Variants in RAD54B observed in about 807,000 individuals in gnomAD.
RAD54B encodes DNA repair and recombination protein RAD54B.
RAD54B carries 78 observed loss-of-function variants against 95.8 expected under a neutral mutation model. The observed-to-expected ratio is 0.81, with a 90% CI of 0.68 to 0.98. RAD54B has a LOEUF of 0.98. RAD54B is among the 50% of genes least tolerant of loss of function. The pLI is 0.00. For synonymous variants in RAD54B, 328 were observed against 354.9 expected (o/e 0.92, Z 0.85); for missense variants, 957 against 1,056.6 (o/e 0.91, Z 1.31).
chr8:94,441,755 T>G (rs957030858), intron 3 of RAD54B, among the ~76,000 whole-genome samples: 1 of 152,180 alleles, frequency 6.6e-6, no homozygotes, highest in African/African-American at 2.4e-5. Flanking sequence ...CCTTGGTCTT[T>G]CACGTAACCA....
chr8:94,468,548 G>A (rs768916023), intron 1 of RAD54B, among the ~76,000 whole-genome samples: 76 of 151,440 alleles, frequency 5.0e-4, no homozygotes, highest in South Asian at 1.5e-3. Context: ...AAAAAAGGCC[G>A]AGCACGGTGG....
chr8:94,423,242 G>A (rs1389499935), intron 3 of RAD54B, among the ~76,000 whole-genome samples: 1 of 152,048 alleles, frequency 6.6e-6, no homozygotes, highest in Non-Finnish European at 1.5e-5. Context: ...AATTAGCTGG[G>A]CATGGTGACA....
rs143995521 is a variant in RAD54B at position 94,429,843 on chromosome 8, C to T, written c.305-18528G>A. 721 of 985,244 alleles carry T rather than the reference C, an allele frequency of 7.3e-4. 3 individuals carry two copies. The African/African-American group carries it at 0.012, about 16-fold the overall frequency. The allele number at this position is 985,244 out of a possible 1,614,324, so 61.0% of individuals were successfully genotyped here. On this transcript the variant is annotated intron_variant, in intron 3 of 14. Transcript: ENST00000336148. ...AAGTAGTCAACATGCTAAAATAGTA[C>T]CTTGAGTTCATTTTTTTCTATTTCT...
In RAD54B at chr8:94,378,312, G is replaced by A; in HGVS notation, c.2383C>T (p.Leu795Phe). The change falls in exon 14 of 15, where the codon CTC (leucine) becomes TTC (phenylalanine). Residue 795 changes from leucine to phenylalanine, a missense_variant. Coordinates refer to ENST00000336148, the MANE Select transcript of RAD54B (RefSeq NM_012415.3). ...KQGLCGAVVDLTKTSEHIQFS... is the reference protein window; with the variant it reads ...KQGLCGAVVDFTKTSEHIQFS... ...TGAATATGTTCAGATGTCTTGGTGA[G>A]GTCGACAACTGCCCCACAAAGACCT... The A allele has an allele frequency of 6.2e-7, 1 of 1,613,838 alleles. No individual in the cohort carries two copies. The highest frequency in any genetic ancestry group is 2.2e-5 in the East Asian group (1 of 44,832).
intron 11 of RAD54B, among the ~76,000 whole-genome samples, chr8:94,381,148 G>T (rs1217319719): frequency 6.6e-6 from 1 of 152,016 alleles, no homozygotes; most frequent in Non-Finnish European, 1.5e-5. Context: ...ATGTGTTAAT[G>T]AAAGTCTAGA....
chr8:94,451,303 A>G (rs540557697), intron 3 of RAD54B, among the ~76,000 whole-genome samples: 22 of 152,228 alleles, frequency 1.4e-4, no homozygotes, highest in Non-Finnish European at 2.8e-4. Flanking sequence ...ATCTGAGACA[A>G]TCTGAGCATC....
intron 11 of RAD54B, among the ~76,000 whole-genome samples, chr8:94,386,243 C>G (rs1184826297): frequency 7.9e-6 from 1 of 126,994 alleles, no homozygotes; most frequent in Non-Finnish European, 1.7e-5. Context: ...GTGACTGACA[C>G]TGTGGGATAA....
chr8:94,426,782 T>C (rs1811952814), intron 3 of RAD54B, among the ~76,000 whole-genome samples: 2 of 152,074 alleles, frequency 1.3e-5, no homozygotes, highest in Non-Finnish European at 2.9e-5. Flanking sequence ...AGCTACACAG[T>C]TGTAGATCAA....
intron 6 of RAD54B, among the ~76,000 whole-genome samples, chr8:94,403,437 G>T (rs1811307910): frequency 1.3e-5 from 2 of 152,192 alleles, no homozygotes; most frequent in Admixed American, 6.5e-5. Flanking sequence ...AGCACTTTGG[G>T]AGGCTGAGGT....
In RAD54B at chr8:94,467,307, C is replaced by A. The variant is rs78768966; in HGVS notation, c.135+98G>T. On this transcript the variant is annotated intron_variant, in intron 2 of 14. Transcript: ENST00000336148. ...GATGTTTTCAGAGATACTGAAAATTCCTACAGGCAGAAAATACTGTTAACT... is the reference window on the plus strand; with the variant it reads ...GATGTTTTCAGAGATACTGAAAATTACTACAGGCAGAAAATACTGTTAACT... 1.9e-3 allele frequency: 2,040 copies of A among 1,085,564 alleles called. 31 individuals are homozygous for A. In the African/African-American group the frequency reaches 0.029, roughly 15 times the overall value. The allele number at this position is 1,085,564 out of a possible 1,614,324, so 67.2% of individuals were successfully genotyped here. A position where few individuals can be genotyped will look rare whatever the true frequency, so the allele number is the denominator to read the frequency against.
In RAD54B at chr8:94,458,842, G is replaced by A. The variant is rs1237906902; in HGVS notation, c.136-406C>T. On this transcript the variant is annotated intron_variant, in intron 2 of 14. Coordinates refer to ENST00000336148, the MANE Select transcript of RAD54B (RefSeq NM_012415.3). ...AGATTGTACCACTGCATTCCAGCCT[G>A]GGCAACAGAGTGAGACTCCATCTAA... Among the ~76,000 whole-genome samples the A allele has an allele frequency of 5.1e-4, 78 of 151,794 alleles. 1 individual carries two copies. The highest frequency in any genetic ancestry group is 1.0e-4 in the Non-Finnish European group (7 of 67,978).
Position 94,431,780 on chromosome 8 carries a change from T to C in RAD54B, c.305-20465A>G, listed in dbSNP as rs934652309. ...AGACTGACTTAAAAATCTCTAATTA[T>C]AGCTTTCAAAGTTCTAACTAAAAAT... On this transcript the variant is annotated intron_variant, in intron 3 of 14. Transcript: ENST00000336148. 1.5e-5 allele frequency: 15 copies of C among 999,724 alleles called. No homozygotes were observed. The East Asian group carries it at 1.3e-3, about 88-fold the overall frequency. The allele number at this position is 999,724 out of a possible 1,614,324, so 61.9% of individuals were successfully genotyped here.
At chr8:94,433,863 A>T (rs1298020511) in intron 3 of RAD54B, among the ~76,000 whole-genome samples, 4 of 151,878 alleles carry the variant, frequency 2.6e-5, no homozygotes, top group African/African-American at 9.7e-5. Context: ...ATGGATGATT[A>T]AAATGCTGGA....
At chr8:94,389,135 T>C (rs1043238418) in intron 10 of RAD54B, among the ~76,000 whole-genome samples, 2 of 152,166 alleles carry the variant, frequency 1.3e-5, no homozygotes, top group South Asian at 4.1e-4. Flanking sequence ...TTTCTTTTTT[T>C]AAAGAGACAG....
At chr8:94,417,005 G>C (rs745862362) in intron 3 of RAD54B, among the ~76,000 whole-genome samples, 1 of 152,112 alleles carries the variant, frequency 6.6e-6, no homozygotes, top group African/African-American at 2.4e-5. Context: ...ACTGACAAAG[G>C]ATAAACAAAA....
intron 3 of RAD54B, among the ~76,000 whole-genome samples, chr8:94,414,328 T>C (rs972402087): frequency 2.6e-5 from 4 of 152,204 alleles, no homozygotes; most frequent in African/African-American, 9.6e-5. Flanking sequence ...TTCCTTCTCC[T>C]GCCTAATTGC....
At chr8:94,396,207 C>T (rs1240361668) in intron 8 of RAD54B, among the ~76,000 whole-genome samples, 1 of 151,712 alleles carries the variant, frequency 6.6e-6, no homozygotes, top group East Asian at 1.9e-4. Flanking sequence ...ATTTAGATCC[C>T]CATTTGCTAT....
At chr8:94,409,999 T>C (rs115685230) in intron 4 of RAD54B, among the ~76,000 whole-genome samples, 2,199 of 152,332 alleles carry the variant, frequency 0.014, 46 homozygotes, top group African/African-American at 0.049. Context: ...AGTTGTTCCA[T>C]ATTTTTATAA....
At chr8:94,401,090 A>AC (rs563101371) in intron 6 of RAD54B, among the ~76,000 whole-genome samples, 398 of 152,334 alleles carry the variant, frequency 2.6e-3, no homozygotes, top group African/African-American at 9.2e-3. Flanking sequence ...ATTTTTAAAG[A>AC]CCTTAGAAGT....
Sources: gnomAD v4.1 joint callset for allele counts (sites outside exome capture counted in the v4.1 genomes callset) on GRCh38, gnomAD v4.1.1 for gene constraint, MANE v1.5 for transcripts, NCBI Gene and HGNC (gene_info 2026-07-23, HGNC 2026-07-21) for gene names.